PDGFRB: variants seen among roughly 807,000 people sequenced by gnomAD.
The protein encoded by PDGFRB is platelet-derived growth factor receptor beta.
A neutral mutation model predicts 120.2 loss-of-function variants in PDGFRB; 42 were observed. The ratio of observed to expected loss-of-function variants is 0.35; its 90% CI spans 0.27 to 0.45. PDGFRB has a LOEUF of 0.45. PDGFRB is among the 20% of genes least tolerant of loss of function. PDGFRB has a pLI of 1.00. For synonymous variants in PDGFRB, 586 were observed against 606.8 expected (o/e 0.97, Z 0.50); for missense variants, 1,149 against 1,476.3 (o/e 0.78, Z 3.63).
At chr5:150,135,430 C>T in intron 3 of PDGFRB, 125 bp downstream of exon 3, 2 of 717,918 alleles carry the variant, frequency 2.8e-6, no homozygotes, top group Non-Finnish European at 2.4e-6. Flanking sequence ...AGGCTGGTTC[C>T]ATGATTGTCT....
At chr5:150,151,696 C>T (rs1214904174) in intron 1 of PDGFRB, among the ~76,000 whole-genome samples, 4 of 151,834 alleles carry the variant, frequency 2.6e-5, no homozygotes, top group Non-Finnish European at 5.9e-5. Flanking sequence ...CCCATCTGTA[C>T]TAAAAATATA....
intron 3 of PDGFRB, 101 bp downstream of exon 3, chr5:150,135,454 G>T: frequency 1.3e-6 from 1 of 772,890 alleles, no homozygotes; most frequent in Non-Finnish European, 2.1e-6. Context: ...TTTCTAGGAT[G>T]GCTGCATTTC....
At position 150,115,965 on chromosome 5, in the gene PDGFRB, G is replaced by C. The variant is rs1759917653; in HGVS notation, c.3138-19C>G. On this transcript the variant is annotated intron_variant, in intron 22 of 22. Coordinates refer to ENST00000261799, the MANE Select transcript of PDGFRB (RefSeq NM_002609.4). ...GGTGGAGCTAGAGGAAAGAGGCAGT[G>C]AGTGAGGGGCTAGGAAGGAGCCCAG... 1 of 1,550,534 alleles carries C rather than the reference G, an allele frequency of 6.4e-7. No individual in the cohort carries two copies. The highest frequency in any genetic ancestry group is 2.0e-5 in the Admixed American group (1 of 50,274).
intron 2 of PDGFRB, among the ~76,000 whole-genome samples, chr5:150,136,539 C>T (rs1259655576): frequency 1.3e-5 from 2 of 152,116 alleles, no homozygotes; most frequent in Non-Finnish European, 2.9e-5. Flanking sequence ...GGCCAGCTGC[C>T]GGGCAGGCTG....
chr5:150,134,239 T>C (rs1760559616), intron 4 of PDGFRB: 1 of 573,076 alleles, frequency 1.7e-6, no homozygotes, highest in Non-Finnish European at 3.1e-6. Flanking sequence ...GCTGACGTTC[T>C]AGAAGGGATA....
intron 11 of PDGFRB, 53 bp from the exon 12 acceptor site, chr5:150,125,630 C>A: frequency 6.3e-7 from 1 of 1,594,826 alleles, no homozygotes; most frequent in Non-Finnish European, 8.6e-7. Context: ...AGGCCCTGAG[C>A]CCCATTAGGT....
Position 150,123,168 on chromosome 5 carries a change from T to C in PDGFRB, c.2057A>G (p.Tyr686Cys), listed in dbSNP as rs757278048. ...PIYIITEYCR[Y>C]GDLVDYLHRN... Reference sequence around the variant, plus strand: ...GTGCAGGTAGTCCACCAGGTCTCCGTAGCGGCAGTACTCAGTGATGATATA... The same window carrying C: ...GTGCAGGTAGTCCACCAGGTCTCCGCAGCGGCAGTACTCAGTGATGATATA... Residue 686 changes from tyrosine (Y) to cysteine (C), a missense_variant, in exon 15 of 23, where the codon TAC becomes TGC. Transcript: ENST00000261799. The C allele has an allele frequency of 5.0e-6, 8 of 1,613,760 alleles. No homozygotes were observed. Among genetic ancestry groups the C allele is most frequent in the Non-Finnish European group, 5.9e-6 (7 of 1,179,886 alleles).
chr5:150,154,379 T>C (rs982263307), intron 1 of PDGFRB, among the ~76,000 whole-genome samples: 25 of 152,204 alleles, frequency 1.6e-4, no homozygotes, highest in Non-Finnish European at 3.2e-4. Flanking sequence ...TTACTAGCTG[T>C]GTGGCTACAG....
At position 150,139,936 on chromosome 5, in the gene PDGFRB, C is replaced by T. The variant is rs552908127; in HGVS notation, c.-6-2883G>A. On this transcript the variant is annotated intron_variant, in intron 1 of 22. Transcript: ENST00000261799. ...CGGAGGTTGCAGTGAGCTGAGATCACGCCACTACACTCCAGCCTGGTGACA... is the reference window on the plus strand; with the variant it reads ...CGGAGGTTGCAGTGAGCTGAGATCATGCCACTACACTCCAGCCTGGTGACA... Among the ~76,000 whole-genome samples, 291 of 151,198 alleles carry T rather than the reference C, an allele frequency of 1.9e-3. 4 individuals are homozygous for T. The highest frequency in any genetic ancestry group is 6.1e-3 in the African/African-American group (252 of 41,104).
chr5:150,124,949 G>A (rs1343197820), intron 12 of PDGFRB, 118 bp from the exon 13 acceptor site: 14 of 591,202 alleles, frequency 2.4e-5, no homozygotes, highest in Non-Finnish European at 4.2e-5. Flanking sequence ...TGCCCAGTGA[G>A]GGGAAAGAGC....
At chr5:150,144,917 C>T (rs1412431096) in intron 1 of PDGFRB, among the ~76,000 whole-genome samples, 1 of 152,162 alleles carries the variant, frequency 6.6e-6, no homozygotes, top group Non-Finnish European at 1.5e-5. Flanking sequence ...GGGCCTCCAA[C>T]AGCCTTAAAA....
At chr5:150,127,859 A>AAAAAC (rs869273669) in intron 10 of PDGFRB, among the ~76,000 whole-genome samples, 1 of 141,902 alleles carries the variant, frequency 7.0e-6, no homozygotes, top group Admixed American at 7.1e-5. Flanking sequence ...AAAAAAAAAA[A>AAAAAC]CTTTGGATGC....
At chr5:150,135,174 T>C (rs1313791077) in intron 3 of PDGFRB, among the ~76,000 whole-genome samples, 158 bp from the exon 4 acceptor site, 1 of 152,126 alleles carries the variant, frequency 6.6e-6, no homozygotes, top group African/African-American at 2.4e-5. Context: ...TTAGAGCTGG[T>C]CCCTTCCAGC....
chr5:150,134,709 T>G, intron 4 of PDGFRB, 41 bp downstream of exon 4: 1 of 1,568,730 alleles, frequency 6.4e-7, no homozygotes, highest in Non-Finnish European at 8.7e-7. Context: ...TGGAGGGTTA[T>G]ACTTGCCTCT....
chr5:150,133,588 A>G lies in PDGFRB; in HGVS notation c.932T>C (p.Val311Ala), dbSNP rs2113908293. Residue 311 changes from valine (V) to alanine (A), a missense_variant and splice_region_variant, in exon 6 of 23, where the codon GTT (valine) becomes GCT (alanine). This residue lies in a region of PDGFRB where 879 missense variants were observed against 1,108.6 expected (regional missense o/e 0.79). Transcript: ENST00000261799. ...TGGGCTGAGCCCAAGGCACACACCA[A>G]CCACGGTGATGTTGATGGCCTTTTC... is the stretch of plus-strand genomic sequence containing the variant. ...QDEKAINITV[V>A]ESGYVRLLGE... The G allele has an allele frequency of 6.2e-7, 1 of 1,613,508 alleles. No individual in the cohort carries two copies. The highest frequency in any genetic ancestry group is 1.1e-5 in the South Asian group (1 of 91,074).
rs1760043624 is a variant in PDGFRB at position 150,118,768 on chromosome 5, C to T, written c.2883G>A (p.Leu961=). The T allele has an allele frequency of 6.2e-7, 1 of 1,611,968 alleles. No individual in the cohort carries two copies. The highest frequency in any genetic ancestry group is 8.5e-7 in the Non-Finnish European group (1 of 1,178,026). Residue 961 remains leucine, a synonymous_variant, in exon 21 of 23, where the codon CTG becomes CTA. Coordinates refer to ENST00000261799, the MANE Select transcript of PDGFRB (RefSeq NM_002609.4). The part of the protein sequence containing the change: ...FSQLVLLLER[L]LGEGYKKKYQ... ...ATACCTTTTTGTAACCTTCGCCCAA[C>T]AGTCTCTCGAGAAGCAGCACCAGCT...
rs955774919 is a variant in PDGFRB at position 150,155,450 on chromosome 5, C to T, written c.-60G>A. On this transcript the variant is annotated 5_prime_UTR_variant, in exon 1 of 23. Coordinates refer to ENST00000261799, the MANE Select transcript of PDGFRB (RefSeq NM_002609.4). ...ACAGTTCCAGGCTCTGGACAGTCAC[C>T]CCCTCCAGGAAGTCCTCCTTACTGC... is the stretch of plus-strand genomic sequence containing the variant. The T allele has an allele frequency of 7.6e-6, 3 of 397,218 alleles. No individual in the cohort carries two copies. The highest frequency in any genetic ancestry group is 1.3e-5 in the Non-Finnish European group (3 of 225,856). 24.6% of individuals were successfully genotyped at this position (397,218 alleles called of 1,614,324 possible).
chr5:150,118,137 T>C (rs1760020193), intron 21 of PDGFRB, among the ~76,000 whole-genome samples: 1 of 152,188 alleles, frequency 6.6e-6, no homozygotes, highest in South Asian at 2.1e-4. Context: ...GCTCTCATGC[T>C]GCCTCAGCGT....
intron 6 of PDGFRB, among the ~76,000 whole-genome samples, chr5:150,133,174 G>GT (rs1760521813): frequency 6.6e-6 from 1 of 152,248 alleles, no homozygotes; most frequent in African/African-American, 2.4e-5. Context: ...TGTACTAACA[G>GT]TTCTCTGTTC....
Sources: gnomAD v4.1 joint callset for allele counts (sites outside exome capture counted in the v4.1 genomes callset) on GRCh38, gnomAD v4.1.1 for gene constraint, gnomAD v4.1.1 regional missense constraint, MANE v1.5 for transcripts, NCBI Gene and HGNC (gene_info 2026-07-23, HGNC 2026-07-21) for gene names.